OSBPL9: variants seen among roughly 807,000 people sequenced by gnomAD.
The protein encoded by OSBPL9 is oxysterol binding protein like 9, also known as oxysterol-binding protein-related protein 9.
A neutral mutation model predicts 106.6 loss-of-function variants in OSBPL9; 40 were observed. That is an observed-to-expected ratio of 0.38 (90% confidence interval 0.29 to 0.49). The LOEUF (loss-of-function observed/expected upper bound fraction) is 0.49, where lower values mean the gene tolerates loss of function less well. Among genes scored for constraint, OSBPL9 ranks in the 20% least tolerant of loss-of-function variants. The pLI is 0.97. For missense variants in OSBPL9, 609 were observed against 887.2 expected (o/e 0.69, Z 3.98); for synonymous variants, 269 against 295.4 (o/e 0.91, Z 0.92).
chr1:51,520,340 T>C, the OSBPL9 span, among the ~76,000 whole-genome samples: 1 of 152,236 alleles, frequency 6.6e-6, no homozygotes, highest in South Asian at 2.1e-4. Flanking sequence ...TTACTTGAAA[T>C]TCATCTTCAA....
At chr1:51,748,078 C>G (rs148785455) in intron 6 of OSBPL9, among the ~76,000 whole-genome samples, 2 of 152,110 alleles carry the variant, frequency 1.3e-5, no homozygotes, top group African/African-American at 2.4e-5. Context: ...CTCAAGCCAC[C>G]GTGCCCAGCC....
At chr1:51,622,791 C>G (rs927303350) in intron 1 of OSBPL9, among the ~76,000 whole-genome samples, 2 of 152,230 alleles carry the variant, frequency 1.3e-5, no homozygotes, top group African/African-American at 4.8e-5. Flanking sequence ...ACCACCACTT[C>G]TGCCTTATTC....
chr1:51,741,031 C>T (rs1041690654), intron 4 of OSBPL9, among the ~76,000 whole-genome samples: 24 of 150,176 alleles, frequency 1.6e-4, no homozygotes, highest in South Asian at 6.2e-4. Context: ...CATTCAGTTA[C>T]GTGTATGTGT....
intron 1 of OSBPL9, among the ~76,000 whole-genome samples, chr1:51,588,630 GAC>G (rs2148600726): frequency 6.6e-6 from 1 of 152,278 alleles, no homozygotes; most frequent in East Asian, 1.9e-4. Flanking sequence ...CAGCCTGGGT[GAC>G]AGAGTGAAAT....
chr1:51,714,265 A>AG (rs766684653), intron 4 of OSBPL9, among the ~76,000 whole-genome samples, 186 bp downstream of exon 4: 26 of 152,042 alleles, frequency 1.7e-4, no homozygotes, highest in Non-Finnish European at 3.2e-4. Context: ...TGCTTTCTGC[A>AG]GAGTAAAATA....
At chr1:51,584,417 A>G (rs1645236547) in intron 1 of OSBPL9, among the ~76,000 whole-genome samples, 2 of 152,148 alleles carry the variant, frequency 1.3e-5, no homozygotes, top group African/African-American at 4.8e-5. Flanking sequence ...TGGATTCTAA[A>G]GGCCTTGCAT....
intron 2 of OSBPL9, among the ~76,000 whole-genome samples, chr1:51,607,610 T>C (rs530444314): frequency 3.9e-4 from 59 of 152,180 alleles, no homozygotes; most frequent in African/African-American, 1.4e-3. Flanking sequence ...CTCTTTAACC[T>C]CAAAGGAGAT....
intron 1 of OSBPL9, among the ~76,000 whole-genome samples, chr1:51,643,766 A>G (rs938734433): frequency 1.3e-5 from 2 of 152,026 alleles, no homozygotes; most frequent in Non-Finnish European, 2.9e-5. Flanking sequence ...GAGGAGAGGA[A>G]GAAGAGATAG....
At chr1:51,723,325 T>C (rs1356489257) in intron 4 of OSBPL9, among the ~76,000 whole-genome samples, 1 of 152,216 alleles carries the variant, frequency 6.6e-6, no homozygotes, top group Admixed American at 6.5e-5. Context: ...CCCTCATCCC[T>C]GGCAACCACT....
chr1:51,779,283 A>G (rs1160631387), intron 15 of OSBPL9, among the ~76,000 whole-genome samples: 6 of 152,232 alleles, frequency 3.9e-5, no homozygotes, highest in African/African-American at 1.4e-4. Context: ...CAAAGCAAAC[A>G]AAAACATAAA....
At chr1:51,655,984 T>G (rs72896101) in intron 2 of OSBPL9, among the ~76,000 whole-genome samples, 8,581 of 152,298 alleles carry the variant, frequency 0.056, 580 homozygotes, top group African/African-American at 0.16. Context: ...AGAAATATCT[T>G]GAGGGTTTGT....
upstream of OSBPL9, among the ~76,000 whole-genome samples, chr1:51,615,051 G>A (rs756996251): frequency 6.6e-6 from 1 of 152,190 alleles, no homozygotes; most frequent in Non-Finnish European, 1.5e-5. Flanking sequence ...CCTGAGGTCA[G>A]GAGTTTGAGA....
chr1:51,758,049 G>A (rs1423432684), intron 9 of OSBPL9, among the ~76,000 whole-genome samples: 1 of 152,128 alleles, frequency 6.6e-6, no homozygotes, highest in Non-Finnish European at 1.5e-5. Context: ...AATGTAATGT[G>A]ACATATTTGA....
At chr1:51,601,261 T>A (rs1294807883) in intron 2 of OSBPL9, among the ~76,000 whole-genome samples, 2 of 152,232 alleles carry the variant, frequency 1.3e-5, no homozygotes, top group African/African-American at 4.8e-5. Flanking sequence ...TTTGGGAAAT[T>A]ACTGTGTAGT....
upstream of OSBPL9, chr1:51,617,089 G>A (rs1398470937): frequency 7.1e-7 from 1 of 1,404,274 alleles, no homozygotes; most frequent in African/African-American, 1.5e-5. Flanking sequence ...CAGGCCGTTT[G>A]TTGTCATTGG....
chr1:51,548,250 T>C, the OSBPL9 span, among the ~76,000 whole-genome samples: 5 of 152,094 alleles, frequency 3.3e-5, no homozygotes, highest in Non-Finnish European at 7.4e-5. Flanking sequence ...TCTTTTTGTT[T>C]GGTTTGGATT....
At chr1:51,615,326 C>T (rs1004998881), upstream of OSBPL9, among the ~76,000 whole-genome samples, 1 of 152,166 alleles carries the variant, frequency 6.6e-6, no homozygotes, top group Non-Finnish European at 1.5e-5. Context: ...CATCTAACTA[C>T]TGATCCACTG....
chr1:51,740,182 T>G (rs925576202), intron 4 of OSBPL9: 7 of 1,542,402 alleles, frequency 4.5e-6, no homozygotes, highest in Non-Finnish European at 5.2e-6. Context: ...TTCTGGTATC[T>G]CTCCAGTTCT....
At chr1:51,750,940 T>A (rs942138793) in intron 8 of OSBPL9, among the ~76,000 whole-genome samples, 1 of 152,240 alleles carries the variant, frequency 6.6e-6, no homozygotes, top group Non-Finnish European at 1.5e-5. Context: ...TTCAGTTGCA[T>A]ATGTTTGTTT....
Sources: allele counts gnomAD v4.1 joint callset (sites outside exome capture counted in the v4.1 genomes callset), GRCh38; gene constraint gnomAD v4.1.1; transcripts MANE v1.5; gene names NCBI Gene and HGNC (gene_info 2026-07-23, HGNC 2026-07-21).